Variants in PHACTR2 observed in about 807,000 individuals in gnomAD.
PHACTR2 encodes phosphatase and actin regulator 2.
PHACTR2 carries 30 observed loss-of-function variants against 76.0 expected under a neutral mutation model. The observed-to-expected ratio is 0.39, with a 90% CI of 0.30 to 0.54. The LOEUF (loss-of-function observed/expected upper bound fraction) is 0.54, where lower values mean the gene tolerates loss of function less well. PHACTR2 is among the 20% of genes least tolerant of loss of function. The pLI is 0.61. For synonymous variants in PHACTR2, 292 were observed against 292.5 expected (o/e 1.00, Z 0.02); for missense variants, 696 against 781.1 (o/e 0.89, Z 1.30).
chr6:143,807,006 A>G lies in PHACTR2; in HGVS notation c.1846-51A>G, dbSNP rs1450396617. ...TCATTGATGCTGTATATACTGGGGCAATATATGACCTAAATAACAGTTCTG... is the reference window on the plus strand; with the variant it reads ...TCATTGATGCTGTATATACTGGGGCGATATATGACCTAAATAACAGTTCTG... On this transcript the variant is annotated intron_variant, in intron 11 of 12. Transcript: ENST00000440869. The surrounding 1 kb of genome is among the most constrained non-coding windows in gnomAD (Gnocchi z 5.5). 1.0e-6 allele frequency: 1 copy of G among 976,720 alleles called. No individual in the cohort carries two copies. The highest frequency in any genetic ancestry group is 1.6e-5 in the African/African-American group (1 of 61,126). The allele number at this position is 976,720 out of a possible 1,614,324, so 60.5% of individuals were successfully genotyped here.
chr6:143,572,843 G>T (rs770260979), intron 1 of PHACTR2, among the ~76,000 whole-genome samples: 4 of 152,146 alleles, frequency 2.6e-5, no homozygotes, highest in Non-Finnish European at 5.9e-5. Flanking sequence ...ATGAGCCACC[G>T]TGCCCAGCCA....
At chr6:143,723,031 T>G (rs1449909609) in intron 2 of PHACTR2, among the ~76,000 whole-genome samples, 1 of 152,246 alleles carries the variant, frequency 6.6e-6, no homozygotes, top group African/African-American at 2.4e-5. Flanking sequence ...CATCTGTTGA[T>G]GGACACTTAG....
chr6:143,813,485 G>A (rs1458667105), intron 12 of PHACTR2, among the ~76,000 whole-genome samples: 2 of 152,018 alleles, frequency 1.3e-5, no homozygotes, highest in Non-Finnish European at 2.9e-5. Context: ...TGGCGTGGTG[G>A]TGGGCGCCTG....
At chr6:143,620,436 T>C (rs1776133044) in intron 1 of PHACTR2, among the ~76,000 whole-genome samples, 1 of 142,534 alleles carries the variant, frequency 7.0e-6, no homozygotes, top group Admixed American at 6.8e-5. Context: ...ATGAAGTTTT[T>C]TTTTTTTGGA....
At chr6:143,640,895 T>C (rs1362328075) in intron 1 of PHACTR2, among the ~76,000 whole-genome samples, 2 of 152,136 alleles carry the variant, frequency 1.3e-5, no homozygotes, top group Non-Finnish European at 2.9e-5. Context: ...CTAAATCCAG[T>C]AAGTTTCCTT....
rs1362535825 is a variant in PHACTR2, at chr6:143,764,643, AC to A, written c.695-614del. 5.3e-5 allele frequency among the ~76,000 whole-genome samples: 8 copies of A among 152,018 alleles called. No homozygotes were observed. Among genetic ancestry groups the A allele is most frequent in the Non-Finnish European group, 1.2e-4 (8 of 67,982 alleles). On this transcript the variant is annotated intron_variant, in intron 5 of 12. Transcript: ENST00000440869. This position sits in a 1 kb window ranked among gnomAD's most constrained non-coding sequence, Gnocchi z 4.7. ...CTGTGTGGCCATGGGTTTTCCCTTT[AC>A]CCCATCTCTACTGCAGATGGAAGTA...
At chr6:143,759,479 C>A (rs1383144192) in intron 4 of PHACTR2, among the ~76,000 whole-genome samples, 2 of 152,016 alleles carry the variant, frequency 1.3e-5, no homozygotes, top group African/African-American at 4.8e-5. Flanking sequence ...TGTGGCAAAA[C>A]CCCATCTCTA....
In PHACTR2 at chr6:143,820,537, C is replaced by T. The variant is rs1275575826; in HGVS notation, c.1923-3137C>T. On this transcript the variant is annotated intron_variant, in intron 12 of 12. Coordinates refer to ENST00000440869, the MANE Select transcript of PHACTR2 (RefSeq NM_001100164.2). This position sits in a 1 kb window ranked among gnomAD's most constrained non-coding sequence, Gnocchi z 4.2. The stretch of plus-strand genomic sequence containing the variant: ...AATCATAAAGCTCCAAAATAATCTC[C>T]TCTGACTCCATGTCCCATGTCCTGG... Among the ~76,000 whole-genome samples, 1 of 152,216 alleles carries T rather than the reference C, an allele frequency of 6.6e-6. No homozygotes were observed. Among genetic ancestry groups the T allele is most frequent in the Non-Finnish European group, 1.5e-5 (1 of 68,038 alleles).
rs748063906 is a variant in PHACTR2, at chr6:143,812,701, C to A, written c.1922+5568C>A. 1.7e-4 allele frequency among the ~76,000 whole-genome samples: 26 copies of A among 152,218 alleles called. 1 individual carries two copies. Among genetic ancestry groups the A allele is most frequent in the African/African-American group, 5.3e-4 (22 of 41,458 alleles). The stretch of plus-strand genomic sequence containing the variant: ...CAAGCCCTAACCTCAGTTGCTTAGA[C>A]CTTGCTGCTTGTCTGGCCACATTCT... On this transcript the variant is annotated intron_variant, in intron 12 of 12. Coordinates refer to ENST00000440869, the MANE Select transcript of PHACTR2 (RefSeq NM_001100164.2).
rs752670123 is a variant in PHACTR2 at position 143,624,231 on chromosome 6, C to T, written c.13+15909C>T. Among the ~76,000 whole-genome samples the T allele has an allele frequency of 9.2e-5, 14 of 152,036 alleles. No homozygotes were observed. Among genetic ancestry groups the T allele is most frequent in the Non-Finnish European group, 1.9e-4 (13 of 68,016 alleles). On this transcript the variant is annotated intron_variant, in intron 1 of 11. Coordinates refer to the PHACTR2 transcript ENST00000305766. This position sits in a 1 kb window ranked among gnomAD's most constrained non-coding sequence, Gnocchi z 4.6. ...AAGCAATTCTCCTGCCTCAGCTTCC[C>T]GAGTAGCTGGGATTACAGGTGCCTG...
chr6:143,735,438 T>G (rs1327120054), intron 2 of PHACTR2, among the ~76,000 whole-genome samples: 1 of 152,254 alleles, frequency 6.6e-6, no homozygotes, highest in Non-Finnish European at 1.5e-5. Context: ...AATTTGATTT[T>G]ATTTTAAAAT....
At chr6:143,817,289 A>C (rs1230263575) in intron 12 of PHACTR2, among the ~76,000 whole-genome samples, 1 of 152,224 alleles carries the variant, frequency 6.6e-6, no homozygotes, top group Non-Finnish European at 1.5e-5. Context: ...AGATTTGGCG[A>C]GGGCTAAATA....
chr6:143,655,541 T>C (rs1776834792), intron 1 of PHACTR2, among the ~76,000 whole-genome samples: 1 of 152,236 alleles, frequency 6.6e-6, no homozygotes, highest in South Asian at 2.1e-4. Flanking sequence ...ATGGAATATG[T>C]CATTAATTAT....
chr6:143,542,921 G>A (rs1584049603), intron 1 of PHACTR2, among the ~76,000 whole-genome samples: 1 of 152,216 alleles, frequency 6.6e-6, no homozygotes, highest in Non-Finnish European at 1.5e-5. Flanking sequence ...AAGGGACTGA[G>A]CCTGGCCAGT....
rs531435325 is a variant in PHACTR2, at chr6:143,562,782, T to C, written c.217+25575T>C. ...AATGAGTAGTTGAATTAACAAAATA[T>C]GGTATTTATGTACATGAGTATTATC... is the stretch of plus-strand genomic sequence containing the variant. On this transcript the variant is annotated intron_variant, in intron 1 of 11. Coordinates refer to the PHACTR2 transcript ENST00000367584. This position sits in a 1 kb window ranked among gnomAD's most constrained non-coding sequence, Gnocchi z 5.1. Among the ~76,000 whole-genome samples, 7 of 152,322 alleles carry C rather than the reference T, an allele frequency of 4.6e-5. No homozygotes were observed. Among genetic ancestry groups the C allele is most frequent in the Admixed American group, 3.9e-4 (6 of 15,296 alleles).
intron 1 of PHACTR2, among the ~76,000 whole-genome samples, chr6:143,644,059 A>C (rs1010074295): frequency 6.6e-6 from 1 of 152,212 alleles, no homozygotes; most frequent in Non-Finnish European, 1.5e-5. Flanking sequence ...ATAAAATACA[A>C]TTTTAAGGAA....
At chr6:143,763,983 TC>T (rs1562297691) in intron 5 of PHACTR2, among the ~76,000 whole-genome samples, 1 of 152,210 alleles carries the variant, frequency 6.6e-6, no homozygotes, top group Non-Finnish European at 1.5e-5. Context: ...AAGAGTATTC[TC>T]ATAGGAGTTT....
At chr6:143,749,587 T>A (rs886072918) in intron 3 of PHACTR2, among the ~76,000 whole-genome samples, 1 of 152,000 alleles carries the variant, frequency 6.6e-6, no homozygotes, top group African/African-American at 2.4e-5. Flanking sequence ...GCTTTCTGCT[T>A]TCTCTCATGT....
chr6:143,716,864 C>T (rs1426437346), intron 2 of PHACTR2, among the ~76,000 whole-genome samples: 1 of 152,198 alleles, frequency 6.6e-6, no homozygotes, highest in African/African-American at 2.4e-5. Flanking sequence ...TTGCTCTGGT[C>T]AGCAGCAGTG....
Sources: allele counts gnomAD v4.1 joint callset (sites outside exome capture counted in the v4.1 genomes callset), GRCh38; gene constraint gnomAD v4.1.1; non-coding constraint Gnocchi (gnomAD v3.1); transcripts MANE v1.5; gene names NCBI Gene and HGNC (gene_info 2026-07-23, HGNC 2026-07-21).